MEI1: variants seen among roughly 807,000 people sequenced by gnomAD.
MEI1 encodes the protein meiotic double-stranded break formation protein 1, also known as meiosis inhibitor protein 1.
A neutral mutation model predicts 146.2 loss-of-function variants in MEI1; 103 were observed. The ratio of observed to expected loss-of-function variants is 0.70; its 90% CI spans 0.60 to 0.83. The LOEUF is 0.83. Ranked by LOEUF, MEI1 falls within the 40% of genes least tolerant of loss-of-function variation. MEI1 has a pLI of 0.00. For missense variants in MEI1, 1,529 were observed against 1,533.0 expected (o/e 1.00, Z 0.04); for synonymous variants, 652 against 628.2 (o/e 1.04, Z -0.57).
At chr22:41,705,914 G>A (rs902624373) in intron 3 of MEI1, among the ~76,000 whole-genome samples, 3 of 151,780 alleles carry the variant, frequency 2.0e-5, no homozygotes, top group Non-Finnish European at 2.9e-5. Flanking sequence ...CATCATGCTG[G>A]CTAAGCTGGT....
Position 41,703,193 on chromosome 22 carries a change from C to T in MEI1, c.175-138C>T, listed in dbSNP as rs1487332325. ...TAAATGATATCCTTTTCCAACCTCCCTTGAAGGAGTATGGATCTCACCGTA... is the reference window on the plus strand; with the variant it reads ...TAAATGATATCCTTTTCCAACCTCCTTTGAAGGAGTATGGATCTCACCGTA... On this transcript the variant is annotated intron_variant, in intron 1 of 30. Coordinates refer to ENST00000401548, the MANE Select transcript of MEI1 (RefSeq NM_152513.4). The T allele has an allele frequency of 3.0e-5, 27 of 897,994 alleles. No individual in the cohort carries two copies. In the Admixed American group the frequency reaches 3.9e-4, roughly 13 times the overall value. The allele number at this position is 897,994 out of a possible 1,614,324, so 55.6% of individuals were successfully genotyped here.
At chr22:41,762,884 C>T (rs894923694) in intron 18 of MEI1, among the ~76,000 whole-genome samples, 1 of 152,180 alleles carries the variant, frequency 6.6e-6, no homozygotes, top group Non-Finnish European at 1.5e-5. Flanking sequence ...AGCAGTAGCA[C>T]CCTTCTCTTT....
intron 6 of MEI1, among the ~76,000 whole-genome samples, chr22:41,720,667 G>C (rs997637052): frequency 6.6e-6 from 1 of 150,404 alleles, no homozygotes; most frequent in African/African-American, 2.5e-5. Flanking sequence ...CGTGATCTCA[G>C]CTCACTGCAA....
chr22:41,722,131 C>CT (rs1046137819), intron 6 of MEI1: 1 of 151,536 alleles, frequency 6.6e-6, no homozygotes, highest in African/African-American at 2.4e-5. Context: ...TCAGACAACA[C>CT]TTAAAGGTCA....
chr22:41,778,687 A>C (rs2075597955), intron 21 of MEI1, 21 bp from the exon 22 acceptor site: 6 of 1,571,006 alleles, frequency 3.8e-6, no homozygotes, highest in Non-Finnish European at 3.5e-6. Flanking sequence ...CTTCTTGCCC[A>C]GTCCTCCTTG....
chr22:41,736,447 G>T (rs1312820345), intron 11 of MEI1, among the ~76,000 whole-genome samples: 1 of 151,846 alleles, frequency 6.6e-6, no homozygotes, highest in Non-Finnish European at 1.5e-5. Flanking sequence ...TAGAGACAGG[G>T]TTTCACCGTG....
intron 30 of MEI1, among the ~76,000 whole-genome samples, chr22:41,797,288 C>T (rs1313478600): frequency 6.6e-6 from 1 of 151,976 alleles, no homozygotes; most frequent in Non-Finnish European, 1.5e-5. Flanking sequence ...GTGCCTGGCC[C>T]ATGAACAAAA....
At chr22:41,798,150 CACACACACACACACACACACAT>C (rs1421676586) in intron 30 of MEI1, among the ~76,000 whole-genome samples, 106 of 149,902 alleles carry the variant, frequency 7.1e-4, no homozygotes, top group African/African-American at 2.3e-3. Flanking sequence ...CACACACACA[CACACACACACACACACACACAT>C]AGTGTGTGTC....
At position 41,745,933 on chromosome 22, in the gene MEI1, C is replaced by T. The variant is rs554129745; in HGVS notation, c.1587C>T (p.Phe529=). The change falls in exon 14 of 31, where the codon TTC becomes TTT. Residue 529 remains phenylalanine, a synonymous_variant. Transcript: ENST00000401548. The part of the protein sequence containing the change: ...QSEPSAQENP[F]TAPSAKKEDT... ...AGCCTTCAGCCCAGGAGAATCCATT[C>T]ACAGCTCCCAGCGCCAAGAAGGAAG... The T allele has an allele frequency of 4.3e-6, 7 of 1,613,488 alleles. No homozygotes were observed. In the East Asian group the frequency reaches 6.7e-5, roughly 15 times the overall value.
chr22:41,725,119 T>A (rs2071206249), intron 7 of MEI1, among the ~76,000 whole-genome samples: 1 of 143,274 alleles, frequency 7.0e-6, no homozygotes, highest in South Asian at 2.1e-4. Context: ...TAAATTATTA[T>A]TATTTTTTTT....
chr22:41,774,985 A>G (rs912069826), intron 20 of MEI1, among the ~76,000 whole-genome samples: 1 of 152,102 alleles, frequency 6.6e-6, no homozygotes, highest in African/African-American at 2.4e-5. Context: ...GTGTGTCAGT[A>G]GCTGTCCTCC....
At position 41,770,903 on chromosome 22, in the gene MEI1, G is replaced by A. The variant is rs916648520; in HGVS notation, c.2486G>A (p.Ser829Asn). The change falls in exon 20 of 31, where the codon AGC (serine) becomes AAC (asparagine). Residue 829 changes from serine (S) to asparagine (N), a missense_variant. Around this residue, in one of 3 missense-constraint regions of MEI1, gnomAD observed 1,212 missense variants for 1,178.9 expected, o/e 1.03. Transcript: ENST00000401548. ...TSAGQPALPA[S>N]LVVLFQLLRS... ...GCTGGGCAGCCCGCCCTTCCTGCCA[G>A]CTTAGTAGTCCTGTTCCAGTTGCTC... The A allele has an allele frequency of 9.3e-6, 15 of 1,613,928 alleles. No homozygotes were observed. The African/African-American group carries it at 1.2e-4, about 13-fold the overall frequency.
chr22:41,727,895 G>A (rs2071507499), intron 7 of MEI1, among the ~76,000 whole-genome samples: 1 of 152,066 alleles, frequency 6.6e-6, no homozygotes, highest in Non-Finnish European at 1.5e-5. Context: ...TTTTTATGGG[G>A]GACTGGCCGT....
chr22:41,769,278 A>G (rs1225957148), intron 19 of MEI1, among the ~76,000 whole-genome samples: 6 of 152,186 alleles, frequency 3.9e-5, no homozygotes, highest in Non-Finnish European at 8.8e-5. Context: ...TTTATGGTCA[A>G]TTTTTGATGA....
intron 5 of MEI1, among the ~76,000 whole-genome samples, chr22:41,717,170 T>A (rs759648121): frequency 1.7e-3 from 254 of 151,956 alleles, no homozygotes; most frequent in Middle Eastern, 3.4e-3. Flanking sequence ...TTTAAAAAAA[T>A]TAATAATAAT....
At chr22:41,754,167 C>T in intron 17 of MEI1, 121 bp downstream of exon 17, 1 of 712,546 alleles carries the variant, frequency 1.4e-6, no homozygotes, top group Non-Finnish European at 2.5e-6. Context: ...TGAGGCTGCC[C>T]AGAGGAATCG....
intron 19 of MEI1, 86 bp from the exon 20 acceptor site, chr22:41,770,600 T>G: frequency 1.5e-6 from 2 of 1,307,756 alleles, no homozygotes; most frequent in Non-Finnish European, 2.1e-6. Context: ...TGACAGTACA[T>G]TTTTCCTAGT....
rs760414164 is a variant in MEI1, at chr22:41,763,209, A to T, written c.2156A>T (p.Gln719Leu). ...VSEAELFEAV[Q>L]SFLLSLQDQG... ...GAGGCAGAGTTATTTGAGGCTGTGC[A>T]AAGCTTCCTCCTGTCGCTGCAGGAC... The change falls in exon 19 of 31, where the codon CAA becomes CTA. Residue 719 changes from glutamine (Q) to leucine (L), a missense_variant. Coordinates refer to ENST00000401548, the MANE Select transcript of MEI1 (RefSeq NM_152513.4). 78 of 1,613,974 alleles carry T rather than the reference A, an allele frequency of 4.8e-5. 3 individuals are homozygous for T. In the South Asian group the frequency reaches 8.2e-4, roughly 17 times the overall value.
intron 20 of MEI1, chr22:41,774,341 T>G (rs1401089898): frequency 6.6e-6 from 1 of 152,226 alleles, no homozygotes; most frequent in Admixed American, 6.5e-5. Context: ...ATTCATTAAC[T>G]CAGACTTCTG....
Sources: gnomAD v4.1 joint callset for allele counts (sites outside exome capture counted in the v4.1 genomes callset) on GRCh38, gnomAD v4.1.1 for gene constraint, gnomAD v4.1.1 regional missense constraint, MANE v1.5 for transcripts, NCBI Gene and HGNC (gene_info 2026-07-23, HGNC 2026-07-21) for gene names.